The following CERS6 variants were observed in gnomAD, a reference collection of about 807,000 sequenced individuals.
CERS6 encodes ceramide synthase 6.
Under a neutral mutation model 56.8 loss-of-function variants are expected in CERS6, and 26 were observed. The ratio of observed to expected loss-of-function variants is 0.46; its 90% confidence interval spans 0.34 to 0.63. The LOEUF (loss-of-function observed/expected upper bound fraction) is 0.63. Among genes scored for constraint, CERS6 ranks in the 30% least tolerant of loss-of-function variants. CERS6 has a pLI of 0.01. For missense variants in CERS6, 415 were observed against 467.5 expected (o/e 0.89, Z 1.04); for synonymous variants, 164 against 173.3 (o/e 0.95, Z 0.42).
rs748181431 is a variant in CERS6, at chr2:168,769,530, T to C, written c.1023T>C (p.Ser341=). The C allele has an allele frequency of 6.9e-6, 11 of 1,601,108 alleles. No homozygotes were observed. In the African/African-American group the frequency reaches 1.5e-4, roughly 22 times the overall value. The change falls in exon 10 of 10, where the codon AGT becomes AGC. Residue 341 remains serine (S), a synonymous_variant. Transcript: ENST00000305747. ...CACAGGTGTCCAAGGATGATCGAAG[T>C]GATATTGAGTCTAGCTCAGATGAGG... ...SRGKVSKDDR[S]DIESSSDEED... is the part of the protein sequence containing the mutation.
intron 1 of CERS6, among the ~76,000 whole-genome samples, chr2:168,481,300 A>G (rs1197897037): frequency 2.0e-5 from 3 of 152,138 alleles, no homozygotes; most frequent in African/African-American, 7.2e-5. Flanking sequence ...CTGTAGTCCC[A>G]CCTACTCTGG....
At chr2:168,728,387 C>CT (rs397872513) in intron 8 of CERS6, among the ~76,000 whole-genome samples, 5,511 of 97,574 alleles carry the variant, frequency 0.056, 448 homozygotes, top group African/African-American at 0.14. Flanking sequence ...TGCAACTACT[C>CT]TTTTTTTTTT....
At chr2:168,588,955 G>A (rs542172876) in intron 3 of CERS6, among the ~76,000 whole-genome samples, 11 of 152,290 alleles carry the variant, frequency 7.2e-5, no homozygotes, top group Middle Eastern at 3.4e-3. Flanking sequence ...GCCCAGGCTG[G>A]TCTCCAACTC....
At chr2:168,595,664 C>G (rs1422295667) in intron 3 of CERS6, among the ~76,000 whole-genome samples, 1 of 152,162 alleles carries the variant, frequency 6.6e-6, no homozygotes, top group Non-Finnish European at 1.5e-5. Flanking sequence ...ATTATACATT[C>G]AGATGTATTG....
intron 1 of CERS6, among the ~76,000 whole-genome samples, chr2:168,476,771 G>C (rs563821153): frequency 6.6e-6 from 1 of 151,798 alleles, no homozygotes; most frequent in Non-Finnish European, 1.5e-5. Flanking sequence ...CTTTTCCTCT[G>C]TTTTTTTTCT....
At chr2:168,612,231 T>G (rs1211636393) in intron 3 of CERS6, among the ~76,000 whole-genome samples, 1 of 152,220 alleles carries the variant, frequency 6.6e-6, no homozygotes, top group African/African-American at 2.4e-5. Flanking sequence ...GAAGTCTTCA[T>G]GCCCAGGCTG....
At chr2:168,540,929 T>C (rs1695356536) in intron 1 of CERS6, among the ~76,000 whole-genome samples, 1 of 152,222 alleles carries the variant, frequency 6.6e-6, no homozygotes, top group African/African-American at 2.4e-5. Flanking sequence ...TCCAAAGGAA[T>C]ATCTGATGGG....
chr2:168,620,058 C>CATAT (rs1684429512), intron 3 of CERS6, among the ~76,000 whole-genome samples: 2 of 117,884 alleles, frequency 1.7e-5, no homozygotes, highest in East Asian at 4.6e-4. Context: ...CACACACACA[C>CATAT]ACACATATTT....
intron 3 of CERS6, among the ~76,000 whole-genome samples, chr2:168,605,020 A>G (rs1684020700): frequency 6.6e-6 from 1 of 152,192 alleles, no homozygotes; most frequent in East Asian, 1.9e-4. Context: ...AGACTGTTCC[A>G]ATGTCTGCCC....
Position 168,774,319 on chromosome 2 carries a change from G to A in CERS6, c.*4657G>A, listed in dbSNP as rs1684942812. ...TGGAGTTCCTGATAAAAGGAAGCCAGGGTGTGGACATTTTTTAGCTATTGA... is the reference window on the plus strand; with the variant it reads ...TGGAGTTCCTGATAAAAGGAAGCCAAGGTGTGGACATTTTTTAGCTATTGA... On this transcript the variant is annotated 3_prime_UTR_variant, in exon 10 of 10. Transcript: ENST00000305747. 6.6e-6 allele frequency: 1 copy of A among 152,222 alleles called. No individual in the cohort carries two copies. Among genetic ancestry groups the A allele is most frequent in the South Asian group, 2.1e-4 (1 of 4,832 alleles). The allele number at this position is 152,222 out of a possible 1,614,324, so 9.4% of individuals were successfully genotyped here. A position where few individuals can be genotyped will look rare whatever the true frequency, so the allele number is the denominator to read the frequency against.
chr2:168,692,900 G>A (rs1686541882), intron 5 of CERS6, among the ~76,000 whole-genome samples: 1 of 152,068 alleles, frequency 6.6e-6, no homozygotes, highest in Non-Finnish European at 1.5e-5. Flanking sequence ...GACCGAGCAT[G>A]CTTATGAGAC....
chr2:168,555,720 C>CTGTG (rs1390257061), intron 2 of CERS6, among the ~76,000 whole-genome samples: 3 of 76,874 alleles, frequency 3.9e-5, no homozygotes, highest in African/African-American at 2.7e-4. Flanking sequence ...GTATAATTGA[C>CTGTG]TCTGTGTGTG....
chr2:168,552,651 G>C (rs1179164729), intron 2 of CERS6, among the ~76,000 whole-genome samples: 3 of 152,140 alleles, frequency 2.0e-5, no homozygotes, highest in Non-Finnish European at 4.4e-5. Flanking sequence ...AACAATAGGT[G>C]CAGGAACAGG....
intron 5 of CERS6, among the ~76,000 whole-genome samples, chr2:168,693,652 G>T (rs1444694761): frequency 6.6e-6 from 1 of 152,236 alleles, no homozygotes; most frequent in Non-Finnish European, 1.5e-5. Context: ...TTAGGTCTCA[G>T]TTCAGGCTGC....
rs144072156 is a variant in CERS6, at chr2:168,654,333, G to A, written c.465+23291G>A. Reference sequence around the variant, plus strand: ...GGAGGCCGAGGTAGGTGGATCACCTGAGGAGTTCGAGACCAGCCTAGCCAA... The same window carrying A: ...GGAGGCCGAGGTAGGTGGATCACCTAAGGAGTTCGAGACCAGCCTAGCCAA... On this transcript the variant is annotated intron_variant, in intron 4 of 9. Coordinates refer to ENST00000305747, the MANE Select transcript of CERS6 (RefSeq NM_203463.3). Among the ~76,000 whole-genome samples the A allele has an allele frequency of 7.7e-4, 117 of 152,116 alleles. No individual in the cohort carries two copies. The East Asian group carries it at 0.019, about 25-fold the overall frequency.
intron 1 of CERS6, among the ~76,000 whole-genome samples, chr2:168,529,322 C>G (rs1487438043): frequency 6.6e-6 from 1 of 152,112 alleles, no homozygotes; most frequent in East Asian, 1.9e-4. Context: ...ACTAAGAGAC[C>G]ATGAGTTTTA....
chr2:168,742,179 C>T (rs887430869), intron 8 of CERS6, among the ~76,000 whole-genome samples: 2 of 152,178 alleles, frequency 1.3e-5, no homozygotes, highest in African/African-American at 2.4e-5. Flanking sequence ...GTATTAGTCT[C>T]AATGTGATGT....
chr2:168,504,214 G>A lies in CERS6; in HGVS notation c.171-43382G>A, dbSNP rs530651148. ...TGCTTGAGTTCAAGAGTCAAGACCA[G>A]CCTGGGAAACACAGGGAGACCCCAT... On this transcript the variant is annotated intron_variant, in intron 1 of 9. Coordinates refer to ENST00000305747, the MANE Select transcript of CERS6 (RefSeq NM_203463.3). 2.6e-5 allele frequency among the ~76,000 whole-genome samples: 4 copies of A among 152,194 alleles called. No individual in the cohort carries two copies. In the South Asian group the frequency reaches 8.3e-4, roughly 32 times the overall value.
intron 8 of CERS6, among the ~76,000 whole-genome samples, chr2:168,730,120 A>G (rs1683479315): frequency 6.6e-6 from 1 of 152,246 alleles, no homozygotes; most frequent in Non-Finnish European, 1.5e-5. Context: ...GAAGACAGAC[A>G]AGAGTGACTT....
Sources: gnomAD v4.1 joint callset for allele counts (sites outside exome capture counted in the v4.1 genomes callset) on GRCh38, gnomAD v4.1.1 for gene constraint, MANE v1.5 for transcripts, NCBI Gene and HGNC (gene_info 2026-07-23, HGNC 2026-07-21) for gene names.